MRE11: variants seen among roughly 807,000 people sequenced by gnomAD.
MRE11 encodes double-strand break repair protein MRE11.
Under a neutral mutation model 91.7 loss-of-function variants are expected in MRE11, and 62 were observed. That is an observed-to-expected ratio of 0.68 (90% confidence interval 0.55 to 0.84). The LOEUF is 0.84. Among genes scored for constraint, MRE11 ranks in the 40% least tolerant of loss-of-function variants. MRE11 has a pLI of 0.00. For missense variants in MRE11, 796 were observed against 852.9 expected (o/e 0.93, Z 0.83); for synonymous variants, 273 against 271.4 (o/e 1.01, Z -0.06).
chr11:94,503,482 G>A, the MRE11 span, among the ~76,000 whole-genome samples: 1 of 152,154 alleles, frequency 6.6e-6, no homozygotes, highest in Non-Finnish European at 1.5e-5. Context: ...AAGATCAAGA[G>A]ATCAAGACCA....
chr11:94,462,641 C>T (rs917408607), intron 11 of MRE11, among the ~76,000 whole-genome samples: 33 of 152,204 alleles, frequency 2.2e-4, no homozygotes, highest in African/African-American at 7.7e-4. Flanking sequence ...CTACAACCAT[C>T]TGATCTTTGA....
intron 18 of MRE11, among the ~76,000 whole-genome samples, chr11:94,433,047 A>C (rs1317580693): frequency 6.6e-6 from 1 of 152,216 alleles, no homozygotes; most frequent in East Asian, 1.9e-4. Flanking sequence ...AAACCAGAAA[A>C]TCAGTCTTGA....
At chr11:94,482,411 C>G (rs1335257711) in intron 4 of MRE11, among the ~76,000 whole-genome samples, 1 of 152,144 alleles carries the variant, frequency 6.6e-6, no homozygotes, top group East Asian at 1.9e-4. Context: ...TAACAGTAGA[C>G]TCCTCAACAG....
At chr11:94,433,997 T>A (rs1376147121) in intron 18 of MRE11, among the ~76,000 whole-genome samples, 1 of 152,194 alleles carries the variant, frequency 6.6e-6, no homozygotes, top group East Asian at 1.9e-4. Context: ...TAATGCATGC[T>A]AACTGATCGG....
chr11:94,467,944 T>C, intron 9 of MRE11, 51 bp from the exon 10 acceptor site: 1 of 1,428,752 alleles, frequency 7.0e-7, no homozygotes, highest in South Asian at 1.1e-5. Context: ...TGAGTTTAAC[T>C]TGGCTGAATA....
chr11:94,493,968 C>G (rs1018447273), upstream of MRE11: 3 of 152,318 alleles, frequency 2.0e-5, no homozygotes, highest in Admixed American at 6.5e-5. Context: ...ACGCAGGAGC[C>G]AATCCTGAGC....
chr11:94,481,420 A>T (rs1002439370), intron 4 of MRE11, among the ~76,000 whole-genome samples: 9 of 152,158 alleles, frequency 5.9e-5, no homozygotes, highest in African/African-American at 2.2e-4. Flanking sequence ...AGAACTGCTT[A>T]TTGGGGAATT....
intron 16 of MRE11, among the ~76,000 whole-genome samples, 155 bp from the exon 17 acceptor site, chr11:94,437,390 G>T (rs902485143): frequency 6.6e-6 from 1 of 152,132 alleles, no homozygotes; most frequent in Admixed American, 6.5e-5. Flanking sequence ...AATCTAAAGG[G>T]AGATAGAATT....
chr11:94,466,649 A>G (rs1946572239), intron 10 of MRE11: 1 of 358,704 alleles, frequency 2.8e-6, no homozygotes, highest in Non-Finnish European at 5.9e-6. Context: ...AATGAAGCTC[A>G]GGAAGTCTGG....
At chr11:94,429,157 T>G (rs1170389427) in intron 19 of MRE11, among the ~76,000 whole-genome samples, 1 of 152,194 alleles carries the variant, frequency 6.6e-6, no homozygotes, top group East Asian at 1.9e-4. Flanking sequence ...TTCATACCAG[T>G]CAGAATGGCT....
At chr11:94,512,079 T>G in the MRE11 span, among the ~76,000 whole-genome samples, 1 of 152,218 alleles carries the variant, frequency 6.6e-6, no homozygotes, top group Non-Finnish European at 1.5e-5. Context: ...CGACGGTGCC[T>G]TGCACTCACC....
chr11:94,500,664 A>G, the MRE11 span, among the ~76,000 whole-genome samples: 1 of 152,236 alleles, frequency 6.6e-6, no homozygotes, highest in Non-Finnish European at 1.5e-5. Context: ...CAAGATTCAT[A>G]GCGTCATTCT....
At chr11:94,457,146 G>A (rs1946272634) in intron 13 of MRE11, among the ~76,000 whole-genome samples, 1 of 152,222 alleles carries the variant, frequency 6.6e-6, no homozygotes, top group Non-Finnish European at 1.5e-5. Context: ...TATGCAGCCA[G>A]TGAGGCAGGA....
Position 94,460,990 on chromosome 11 carries a change from T to A in MRE11, c.1272A>T (p.Gly424=), listed in dbSNP as rs751354181. The A allele has an allele frequency of 6.2e-7, 1 of 1,613,828 alleles. No individual in the cohort carries two copies. The highest frequency in any genetic ancestry group is 8.5e-7 in the Non-Finnish European group (1 of 1,179,972). ...CAAGATCTTCTACCCTTAAAGTTGT[T>A]CCTTCTGAAGGCTTTGTGATAAGTT... ...FGKLITKPSE[G]TTLRVEDLVK... Residue 424 remains glycine, a synonymous_variant, in exon 12 of 20, where the codon GGA becomes GGT. Transcript: ENST00000323929.
intron 19 of MRE11, among the ~76,000 whole-genome samples, chr11:94,423,304 T>A (rs1403804255): frequency 2.0e-5 from 3 of 152,040 alleles, no homozygotes; most frequent in African/African-American, 7.3e-5. Flanking sequence ...GGCAGCACAC[T>A]CTCACTATGG....
At position 94,417,877 on chromosome 11, in the gene MRE11, C is replaced by T. The variant is rs548647198; in HGVS notation, c.*2248G>A. 2 of 233,014 alleles carry T rather than the reference C, an allele frequency of 8.6e-6. No individual in the cohort carries two copies. Among genetic ancestry groups the T allele is most frequent in the Non-Finnish European group, 1.7e-5 (2 of 117,956 alleles). 14.4% of individuals were successfully genotyped at this position (233,014 alleles called of 1,614,324 possible). A position where few individuals can be genotyped will look rare whatever the true frequency, so the allele number is the denominator to read the frequency against. ...TATTTTCAAGAATTTCCTAGAACTT[C>T]GAGGAATCTTTAACCTTGTAAATGC... is the stretch of plus-strand genomic sequence containing the variant. On this transcript the variant is annotated 3_prime_UTR_variant, in exon 20 of 20. Coordinates refer to ENST00000323929, the MANE Select transcript of MRE11 (RefSeq NM_005591.4).
Position 94,420,147 on chromosome 11 carries a change from G to T in MRE11, c.2105C>A (p.Ser702Tyr), listed in dbSNP as rs1945132338. The part of the protein sequence containing the change: ...DDDDPFMNTS[S>Y]LRRNRR ...ATATTATCTTCTATTTCTTCTTAAA[G>T]AACTAGTGTTCATAAAAGGATCATC... The change falls in exon 20 of 20, where the codon TCT becomes TAT. Residue 702 changes from serine to tyrosine, a missense_variant. Coordinates refer to ENST00000323929, the MANE Select transcript of MRE11 (RefSeq NM_005591.4). 6.3e-7 allele frequency: 1 copy of T among 1,579,776 alleles called. No homozygotes were observed.
At chr11:94,460,710 CAAT>C (rs1408730466) in intron 12 of MRE11, among the ~76,000 whole-genome samples, 2 of 152,116 alleles carry the variant, frequency 1.3e-5, no homozygotes, top group African/African-American at 4.8e-5. Context: ...ACAACATCAA[CAAT>C]AACAGCTATA....
At chr11:94,449,498 A>G (rs888418744) in intron 14 of MRE11, among the ~76,000 whole-genome samples, 1 of 152,208 alleles carries the variant, frequency 6.6e-6, no homozygotes, top group Non-Finnish European at 1.5e-5. Flanking sequence ...CAGAGTGGTA[A>G]ATATTTTGAA....
Sources: gnomAD v4.1 joint callset for allele counts (sites outside exome capture counted in the v4.1 genomes callset) on GRCh38, gnomAD v4.1.1 for gene constraint, MANE v1.5 for transcripts, NCBI Gene and HGNC (gene_info 2026-07-23, HGNC 2026-07-21) for gene names.